GANC: variants seen among roughly 807,000 people sequenced by gnomAD.
GANC encodes glucosidase alpha, neutral C, also known as neutral alpha-glucosidase C.
GANC carries 117 observed loss-of-function variants against 124.2 expected under a neutral mutation model. That is an observed-to-expected ratio of 0.94 (90% CI 0.81 to 1.10). The LOEUF (loss-of-function observed/expected upper bound fraction) is 1.10, where lower values mean the gene tolerates loss of function less well. Ranked by LOEUF, GANC falls within the 50% of genes least tolerant of loss-of-function variation. GANC has a pLI of 0.00. For missense variants in GANC, 1,140 were observed against 1,095.0 expected (o/e 1.04, Z -0.58); for synonymous variants, 377 against 376.8 (o/e 1.00, Z -0.01).
intron 13 of GANC, among the ~76,000 whole-genome samples, chr15:42,328,032 G>A (rs935459079): frequency 6.6e-6 from 1 of 152,144 alleles, no homozygotes; most frequent in Non-Finnish European, 1.5e-5. Flanking sequence ...ATAACCCTCT[G>A]AAGTTGGAAC....
intron 4 of GANC, among the ~76,000 whole-genome samples, chr15:42,288,310 G>A (rs1189498629): frequency 6.6e-6 from 1 of 152,180 alleles, no homozygotes; most frequent in Non-Finnish European, 1.5e-5. Context: ...TTTACTTAGT[G>A]TCAAGGTAAA....
In GANC at chr15:42,339,305, A is replaced by AACACACACAC. The variant is rs60116980; in HGVS notation, c.1844-320_1844-311dup. ...AATCAGTTGCCAACCACCCCCCTCCAACACACACACACACACACACACACA... is the reference window on the plus strand; with the variant it reads ...AATCAGTTGCCAACCACCCCCCTCCAACACACACACACACACACACACACACACACACACA... On this transcript the variant is annotated intron_variant, in intron 16 of 23. Coordinates refer to ENST00000318010, the MANE Select transcript of GANC (RefSeq NM_198141.3). Among the ~76,000 whole-genome samples the AACACACACAC allele has an allele frequency of 2.6e-3, 309 of 119,238 alleles. 1 individual carries two copies. Among genetic ancestry groups the AACACACACAC allele is most frequent in the South Asian group, 5.4e-3 (17 of 3,146 alleles). The allele number at this position is 119,238 out of a possible 152,430, so 78.2% of individuals were successfully genotyped here.
At chr15:42,318,032 T>C (rs1397135785) in intron 10 of GANC, among the ~76,000 whole-genome samples, 2 of 152,218 alleles carry the variant, frequency 1.3e-5, no homozygotes, top group Non-Finnish European at 2.9e-5. Flanking sequence ...GTTTACATTT[T>C]TCACATGCTC....
At chr15:42,308,341 AT>A in intron 8 of GANC, 23 bp downstream of exon 8, 1 of 1,465,912 alleles carries the variant, frequency 6.8e-7, no homozygotes, top group Non-Finnish European at 9.5e-7. Context: ...AAGAATTCTT[AT>A]GGGAGTCTCT....
intron 21 of GANC, among the ~76,000 whole-genome samples, chr15:42,349,051 A>G (rs537881524): frequency 6.6e-6 from 1 of 152,200 alleles, no homozygotes; most frequent in Non-Finnish European, 1.5e-5. Flanking sequence ...TTTTTTTAAC[A>G]TCGTTGTCAT....
intron 23 of GANC, 24 bp downstream of exon 23, chr15:42,351,456 C>G (rs745900065): frequency 2.6e-6 from 4 of 1,513,190 alleles, no homozygotes. Flanking sequence ...CCATTCTTAC[C>G]TCACCATTTG....
intron 11 of GANC, among the ~76,000 whole-genome samples, chr15:42,325,839 C>T (rs537252309): frequency 2.0e-5 from 3 of 152,210 alleles, no homozygotes; most frequent in East Asian, 1.9e-4. Context: ...TCACTGTAGC[C>T]GCGACCTCCC....
At position 42,292,601 on chromosome 15, in the gene GANC, C is replaced by A. The variant is rs973683453; in HGVS notation, c.330-134C>A. 8.9e-5 allele frequency: 73 copies of A among 821,818 alleles called. No homozygotes were observed. In the East Asian group the frequency reaches 2.0e-3, roughly 22 times the overall value. The allele number at this position is 821,818 out of a possible 1,614,324, so 50.9% of individuals were successfully genotyped here. A position where few individuals can be genotyped will look rare whatever the true frequency, so the allele number is the denominator to read the frequency against. On this transcript the variant is annotated intron_variant, in intron 4 of 23. Transcript: ENST00000318010. ...GCATCAAAGCCAATGCTCTCATTAACTTTTCTCTGTTGCCTTATCTATGGC... is the reference window on the plus strand; with the variant it reads ...GCATCAAAGCCAATGCTCTCATTAAATTTTCTCTGTTGCCTTATCTATGGC...
rs2051604438 is a variant in GANC, at chr15:42,273,405, AGCCGTGGAGT to A, written c.-1073_-1064del. ...GCCACGCAGCCGCCGCCATCTTCAC[AGCCGTGGAGT>A]GCCTACCGAAAGCATTTCACCCTCT... On this transcript the variant is annotated 5_prime_UTR_variant, in exon 1 of 24. Coordinates refer to ENST00000318010, the MANE Select transcript of GANC (RefSeq NM_198141.3). 5 of 1,613,784 alleles carry A rather than the reference AGCCGTGGAGT, an allele frequency of 3.1e-6. No homozygotes were observed. Among genetic ancestry groups the A allele is most frequent in the Admixed American group, 1.7e-5 (1 of 60,002 alleles).
intron 4 of GANC, among the ~76,000 whole-genome samples, chr15:42,288,587 G>A (rs1455863878): frequency 6.6e-6 from 1 of 152,140 alleles, no homozygotes; most frequent in Admixed American, 6.5e-5. Context: ...ATTATAATGA[G>A]AAATGAATTC....
At chr15:42,343,003 C>A in intron 18 of GANC, 75 bp from the exon 19 acceptor site, 1 of 1,210,268 alleles carries the variant, frequency 8.3e-7, no homozygotes, top group Non-Finnish European at 1.2e-6. Context: ...TGATAGCTAG[C>A]ACTCAGTTAA....
At chr15:42,312,882 G>A (rs1277130246) in intron 10 of GANC, among the ~76,000 whole-genome samples, 4 of 151,480 alleles carry the variant, frequency 2.6e-5, no homozygotes, top group Non-Finnish European at 4.4e-5. Flanking sequence ...GGAGGTTGCA[G>A]TGAGCCAAGA....
intron 13 of GANC, among the ~76,000 whole-genome samples, chr15:42,328,545 A>C (rs1228592462): frequency 6.6e-6 from 1 of 151,964 alleles, no homozygotes. Context: ...GGAATTTGAA[A>C]GACTTTCTTG....
At chr15:42,344,122 A>G (rs1279728148) in intron 19 of GANC, among the ~76,000 whole-genome samples, 1 of 152,220 alleles carries the variant, frequency 6.6e-6, no homozygotes, top group Non-Finnish European at 1.5e-5. Context: ...CCCTCAACAT[A>G]GCTTTACATG....
At chr15:42,334,956 A>C (rs2052273220) in intron 15 of GANC, among the ~76,000 whole-genome samples, 1 of 152,180 alleles carries the variant, frequency 6.6e-6, no homozygotes, top group African/African-American at 2.4e-5. Context: ...AACGAGCTCC[A>C]AAATTGAATG....
chr15:42,297,837 ATTCATTCAT>A, intron 6 of GANC, among the ~76,000 whole-genome samples, 181 bp downstream of exon 6: 1 of 3,948 alleles, frequency 2.5e-4, no homozygotes, highest in East Asian at 0.029. Flanking sequence ...TCATTCATTT[ATTCATTCAT>A]TCATTCATTC....
Position 42,285,527 on chromosome 15 carries a change from G to A in GANC, c.202-2164G>A, listed in dbSNP as rs570353856. Reference sequence around the variant, plus strand: ...TGATAATAAGAGATAAGGCACAGTGGCTCATACTTGTAATCCCAGCACTCT... The same window carrying A: ...TGATAATAAGAGATAAGGCACAGTGACTCATACTTGTAATCCCAGCACTCT... On this transcript the variant is annotated intron_variant, in intron 3 of 23. Transcript: ENST00000318010. 2.0e-4 allele frequency among the ~76,000 whole-genome samples: 31 copies of A among 152,316 alleles called. 1 individual carries two copies. In the South Asian group the frequency reaches 6.2e-3, roughly 31 times the overall value.
chr15:42,342,186 C>T (rs2052333056), intron 18 of GANC, among the ~76,000 whole-genome samples: 1 of 152,202 alleles, frequency 6.6e-6, no homozygotes, highest in Non-Finnish European at 1.5e-5. Flanking sequence ...AGTAGGCACT[C>T]GAAATAAGTA....
At chr15:42,342,486 G>A (rs1011569215) in intron 18 of GANC, among the ~76,000 whole-genome samples, 2 of 152,156 alleles carry the variant, frequency 1.3e-5, no homozygotes, top group African/African-American at 4.8e-5. Context: ...AGAGGCTGAG[G>A]CTGGAGGATT....
Sources: gnomAD v4.1 joint callset for allele counts (sites outside exome capture counted in the v4.1 genomes callset) on GRCh38, gnomAD v4.1.1 for gene constraint, MANE v1.5 for transcripts, NCBI Gene and HGNC (gene_info 2026-07-23, HGNC 2026-07-21) for gene names.